The following PHF21A variants were observed in gnomAD, a reference collection of about 807,000 sequenced individuals.
PHF21A encodes the protein BHC80a.
Under a neutral mutation model 82.5 loss-of-function variants are expected in PHF21A, and 11 were observed. That is an observed-to-expected ratio of 0.13 (90% CI 0.08 to 0.22). The LOEUF (loss-of-function observed/expected upper bound fraction) is 0.22, where lower values mean the gene tolerates loss of function less well. Among genes scored for constraint, PHF21A ranks in the 10% least tolerant of loss-of-function variants. The probability of loss-of-function intolerance (pLI) is 1.00; values close to 1 mark genes in which losing one functional copy is unlikely to be tolerated. For missense variants in PHF21A, 579 were observed against 837.8 expected, an observed-to-expected ratio of 0.69 and a Z score of 3.81; for synonymous variants, 297 against 302.8, an observed-to-expected ratio of 0.98 and a Z score of 0.20.
intron 10 of PHF21A, among the ~76,000 whole-genome samples, chr11:45,963,119 T>C (rs2093210839): frequency 6.6e-6 from 1 of 152,058 alleles, no homozygotes; most frequent in Non-Finnish European, 1.5e-5. Context: ...GTTTTACACG[T>C]ACATAGAAAA....
chr11:45,948,676 T>A (rs2091663127), intron 14 of PHF21A, among the ~76,000 whole-genome samples: 2 of 152,262 alleles, frequency 1.3e-5, no homozygotes, highest in Non-Finnish European at 2.9e-5. Flanking sequence ...TTTGCCAGAA[T>A]CCTAGTAAAG....
chr11:46,105,627 C>A (rs901503647), intron 1 of PHF21A, among the ~76,000 whole-genome samples: 2 of 151,926 alleles, frequency 1.3e-5, no homozygotes, highest in Non-Finnish European at 1.5e-5. Context: ...AAAAAAAACA[C>A]AAAAGGAATG....
intron 6 of PHF21A, among the ~76,000 whole-genome samples, chr11:46,075,901 T>C (rs1256375739): frequency 2.0e-5 from 3 of 152,230 alleles, no homozygotes; most frequent in Non-Finnish European, 4.4e-5. Context: ...GAGAACTATT[T>C]AGTCAAAAAT....
At position 45,966,584 on chromosome 11, in the gene PHF21A, G is replaced by C. The variant is rs187555722; in HGVS notation, c.703-976C>G. Among the ~76,000 whole-genome samples the C allele has an allele frequency of 1.3e-3, 193 of 152,262 alleles. No individual in the cohort carries two copies. In the South Asian group the frequency reaches 0.016, roughly 13 times the overall value. The stretch of plus-strand genomic sequence containing the variant: ...CTGTGTAACCTGAGGTAACATACCT[G>C]ATTTTTAATAGCCAGTTTTTGTTTT... On this transcript the variant is annotated intron_variant, in intron 9 of 18. Transcript: ENST00000676320.
chr11:46,058,937 G>C (rs535625181), intron 6 of PHF21A, among the ~76,000 whole-genome samples: 2 of 152,314 alleles, frequency 1.3e-5, no homozygotes, highest in African/African-American at 4.8e-5. Context: ...AAATGAAGCA[G>C]AAGCAAAGAA....
chr11:45,969,505 T>C (rs1444499376), intron 9 of PHF21A, among the ~76,000 whole-genome samples: 1 of 152,248 alleles, frequency 6.6e-6, no homozygotes, highest in African/African-American at 2.4e-5. Context: ...AATTGCATTC[T>C]TTCCCCACTG....
At chr11:46,038,867 A>G (rs2096068728) in intron 6 of PHF21A, among the ~76,000 whole-genome samples, 1 of 152,160 alleles carries the variant, frequency 6.6e-6, no homozygotes, top group Admixed American at 6.5e-5. Flanking sequence ...TAAAGGCCCC[A>G]TCTTTCAGTG....
chr11:46,028,335 T>C (rs936375716), intron 6 of PHF21A, among the ~76,000 whole-genome samples: 10 of 152,068 alleles, frequency 6.6e-5, no homozygotes, highest in African/African-American at 2.4e-4. Context: ...ATACTATACA[T>C]CAAAATGTTA....
intron 6 of PHF21A, among the ~76,000 whole-genome samples, chr11:46,019,723 A>T (rs540735782): frequency 6.6e-6 from 1 of 152,284 alleles, no homozygotes; most frequent in Admixed American, 6.5e-5. Flanking sequence ...GTTAGATTTA[A>T]CTGGTTCCTT....
At chr11:45,964,843 T>C (rs534438009) in intron 10 of PHF21A, among the ~76,000 whole-genome samples, 9 of 152,356 alleles carry the variant, frequency 5.9e-5, no homozygotes, top group African/African-American at 1.9e-4. Flanking sequence ...TTTGGAAATT[T>C]TAATTTTTTT....
chr11:46,094,541 T>C (rs1246259441), intron 1 of PHF21A, among the ~76,000 whole-genome samples: 3 of 152,134 alleles, frequency 2.0e-5, no homozygotes, highest in Admixed American at 1.3e-4. Context: ...TAGCGAAATA[T>C]TTTTGGAAAA....
chr11:45,983,228 T>G (rs1050583979), intron 6 of PHF21A, among the ~76,000 whole-genome samples: 13 of 150,738 alleles, frequency 8.6e-5, no homozygotes, highest in African/African-American at 2.9e-4. Context: ...AACAAAGCCG[T>G]GGAAGCTTGG....
chr11:46,030,111 G>A (rs1455344501), intron 6 of PHF21A, among the ~76,000 whole-genome samples: 2 of 152,160 alleles, frequency 1.3e-5, no homozygotes, highest in African/African-American at 2.4e-5. Flanking sequence ...AAGAATCAAC[G>A]CTAAACAATA....
intron 6 of PHF21A, among the ~76,000 whole-genome samples, chr11:46,018,649 G>A (rs1203990701): frequency 6.6e-6 from 1 of 152,136 alleles, no homozygotes; most frequent in Non-Finnish European, 1.5e-5. Context: ...AGGTACATAT[G>A]TCACATGACT....
At chr11:46,014,384 C>T (rs1282420656) in intron 6 of PHF21A, among the ~76,000 whole-genome samples, 1 of 152,144 alleles carries the variant, frequency 6.6e-6, no homozygotes, top group African/African-American at 2.4e-5. Context: ...AGTGTATATG[C>T]ACCACATTTT....
chr11:46,019,325 A>C (rs1022196681), intron 6 of PHF21A, among the ~76,000 whole-genome samples: 10 of 152,200 alleles, frequency 6.6e-5, no homozygotes, highest in Admixed American at 3.9e-4. Flanking sequence ...ATCATGTCAA[A>C]TGAATCATCT....
intron 6 of PHF21A, among the ~76,000 whole-genome samples, chr11:46,050,286 A>G (rs2096334109): frequency 6.6e-6 from 1 of 152,250 alleles, no homozygotes; most frequent in South Asian, 2.1e-4. Flanking sequence ...TGCTCACGGC[A>G]GGAGAAAGGC....
chr11:45,971,281 C>G lies in PHF21A; in HGVS notation c.447G>C (p.Val149=). Residue 149 remains valine, a synonymous_variant, in exon 8 of 19, where the codon GTG becomes GTC. Coordinates refer to ENST00000676320, the MANE Select transcript of PHF21A (RefSeq NM_001352027.3). ...TAGCAATGGTAGGTCTCTGGCCCACCACAGAGGCAGGCATGGTCGCAGTTG... is the reference window on the plus strand; with the variant it reads ...TAGCAATGGTAGGTCTCTGGCCCACGACAGAGGCAGGCATGGTCGCAGTTG... ...KAATATMPAS[V]VGQRPTIAMV... is the part of the protein sequence containing the mutation. 1 of 1,614,106 alleles carries G rather than the reference C, an allele frequency of 6.2e-7. No individual in the cohort carries two copies. The highest frequency in any genetic ancestry group is 1.3e-5 in the African/African-American group (1 of 75,020).
intron 6 of PHF21A, among the ~76,000 whole-genome samples, chr11:46,024,120 C>T (rs2095690202): frequency 6.6e-6 from 1 of 152,138 alleles, no homozygotes; most frequent in Non-Finnish European, 1.5e-5. Context: ...GGGATATCTC[C>T]CAGCTTAATG....
Sources: allele counts gnomAD v4.1 joint callset (sites outside exome capture counted in the v4.1 genomes callset), GRCh38; gene constraint gnomAD v4.1.1; transcripts MANE v1.5; gene names NCBI Gene and HGNC (gene_info 2026-07-23, HGNC 2026-07-21).